MEIS1: variants seen among roughly 807,000 people sequenced by gnomAD.
MEIS1 encodes the protein homeobox protein Meis1.
In MEIS1, 5 loss-of-function variants were observed where a neutral mutation model predicts 50.8. That is an observed-to-expected ratio of 0.10 (90% CI 0.05 to 0.21). The LOEUF is 0.21. MEIS1 is among the 10% of genes least tolerant of loss of function. The pLI, the probability that MEIS1 is intolerant of heterozygous loss-of-function variation, is 1.00. For missense variants in MEIS1, 318 were observed against 517.3 expected (o/e 0.61, Z 3.74); for synonymous variants, 176 against 179.3 (o/e 0.98, Z 0.15).
intron 7 of MEIS1, among the ~76,000 whole-genome samples, chr2:66,482,837 T>A (rs17503045): frequency 0.021 from 3,157 of 152,306 alleles, 40 homozygotes; most frequent in Middle Eastern, 0.075. Flanking sequence ...ATATTCCTGA[T>A]GCCATCTAGT....
At chr2:66,435,949 C>CTT (rs1297091451) in intron 1 of MEIS1, 81 bp downstream of exon 1, 30 of 1,282,526 alleles carry the variant, frequency 2.3e-5, no homozygotes, top group Admixed American at 9.4e-5. Flanking sequence ...AAAAAGTTTC[C>CTT]TTTTTTTCTC....
intron 9 of MEIS1, among the ~76,000 whole-genome samples, chr2:66,560,031 A>G (rs572849440): frequency 1.3e-5 from 2 of 151,370 alleles, no homozygotes; most frequent in South Asian, 4.2e-4. Flanking sequence ...TCCAGGCTCA[A>G]ATGATCCTCC....
intron 1 of MEIS1, among the ~76,000 whole-genome samples, chr2:66,436,210 A>T (rs1671793326): frequency 6.6e-6 from 1 of 152,236 alleles, no homozygotes; most frequent in Non-Finnish European, 1.5e-5. Flanking sequence ...AGTTATGTTT[A>T]AACTAAAATA....
In MEIS1 at chr2:66,533,213, G is replaced by A. The variant is rs972284559; in HGVS notation, c.889-14730G>A. Among the ~76,000 whole-genome samples the A allele has an allele frequency of 1.0e-3, 153 of 152,102 alleles. 1 individual carries two copies. Among genetic ancestry groups the A allele is most frequent in the Non-Finnish European group, 1.2e-3 (79 of 68,024 alleles). On this transcript the variant is annotated intron_variant, in intron 8 of 12. Transcript: ENST00000272369. The stretch of plus-strand genomic sequence containing the variant: ...TCGTCCCCTGCCAAGAAAGGTGGGC[G>A]AATTGCCACTTCTGACTTCCAACCA...
intron 8 of MEIS1, among the ~76,000 whole-genome samples, chr2:66,543,334 A>C (rs1304847717): frequency 1.3e-5 from 2 of 152,210 alleles, no homozygotes; most frequent in East Asian, 3.8e-4. Flanking sequence ...CCAGAAATAC[A>C]TGAAGAGTGG....
At chr2:66,486,524 G>A (rs1673146805) in intron 7 of MEIS1, among the ~76,000 whole-genome samples, 1 of 152,164 alleles carries the variant, frequency 6.6e-6, no homozygotes, top group Non-Finnish European at 1.5e-5. Flanking sequence ...TTTGAAGTCA[G>A]GTAGTGTGAT....
chr2:66,557,678 A>G (rs547393746), intron 9 of MEIS1, among the ~76,000 whole-genome samples: 1 of 152,208 alleles, frequency 6.6e-6, no homozygotes, highest in Admixed American at 6.5e-5. Flanking sequence ...TTTTTTACCT[A>G]TTTATCAGTG....
At chr2:66,566,606 C>T (rs1459780718) in intron 9 of MEIS1, among the ~76,000 whole-genome samples, 1 of 150,588 alleles carries the variant, frequency 6.6e-6, no homozygotes, top group Non-Finnish European at 1.5e-5. Context: ...TATATTAATA[C>T]TTTTTTACAT....
intron 7 of MEIS1, among the ~76,000 whole-genome samples, chr2:66,499,855 C>T (rs961969765): frequency 6.6e-6 from 1 of 152,148 alleles, no homozygotes; most frequent in African/African-American, 2.4e-5. Flanking sequence ...ACATAACTCT[C>T]TCATATCTGA....
chr2:66,553,118 T>C (rs1346129296), intron 9 of MEIS1, among the ~76,000 whole-genome samples: 1 of 152,148 alleles, frequency 6.6e-6, no homozygotes, highest in Non-Finnish European at 1.5e-5. Context: ...AATTAAAGTG[T>C]GGGCTGTATG....
At chr2:66,444,119 G>A (rs187172552) in intron 6 of MEIS1, among the ~76,000 whole-genome samples, 15 of 152,258 alleles carry the variant, frequency 9.9e-5, no homozygotes, top group Non-Finnish European at 1.8e-4. Context: ...GTTCCGTTGC[G>A]AATTGTTGCA....
At chr2:66,484,698 A>G (rs917573913) in intron 7 of MEIS1, among the ~76,000 whole-genome samples, 4 of 152,060 alleles carry the variant, frequency 2.6e-5, no homozygotes, top group Admixed American at 6.5e-5. Flanking sequence ...AGCTGGGATT[A>G]TAGGAATGCA....
chr2:66,467,140 A>G (rs1450987114), intron 7 of MEIS1, among the ~76,000 whole-genome samples: 1 of 152,214 alleles, frequency 6.6e-6, no homozygotes, highest in Non-Finnish European at 1.5e-5. Flanking sequence ...GTTATGCAGG[A>G]GATTTTAAAT....
chr2:66,499,141 A>G (rs1004950746), intron 7 of MEIS1, among the ~76,000 whole-genome samples: 1 of 152,236 alleles, frequency 6.6e-6, no homozygotes, highest in African/African-American at 2.4e-5. Flanking sequence ...GATGCATGCT[A>G]GTAATTCTCA....
intron 9 of MEIS1, among the ~76,000 whole-genome samples, chr2:66,551,760 A>T (rs970868485): frequency 5.3e-5 from 8 of 151,982 alleles, no homozygotes; most frequent in African/African-American, 1.9e-4. Flanking sequence ...TTCGAAACAT[A>T]ATATGCACCA....
At chr2:66,555,728 A>C (rs1366924064) in intron 9 of MEIS1, among the ~76,000 whole-genome samples, 4 of 152,132 alleles carry the variant, frequency 2.6e-5, no homozygotes, top group African/African-American at 9.7e-5. Context: ...GTACCCAGAG[A>C]GACCCTCTCT....
intron 8 of MEIS1, among the ~76,000 whole-genome samples, chr2:66,535,369 C>T (rs1485143712): frequency 1.3e-5 from 2 of 152,180 alleles, no homozygotes; most frequent in Non-Finnish European, 2.9e-5. Context: ...GATCACCCTT[C>T]TCAAAGTCTT....
At chr2:66,481,772 T>A (rs924363959) in intron 7 of MEIS1, among the ~76,000 whole-genome samples, 1 of 152,024 alleles carries the variant, frequency 6.6e-6, no homozygotes, top group Non-Finnish European at 1.5e-5. Flanking sequence ...GCGCTGACAA[T>A]TTTGAGCCTC....
intron 6 of MEIS1, among the ~76,000 whole-genome samples, chr2:66,457,733 C>T (rs1345848189): frequency 6.6e-6 from 1 of 152,234 alleles, no homozygotes; most frequent in Non-Finnish European, 1.5e-5. Context: ...ATCCCATTCA[C>T]TGTGCTTCAT....
Sources: allele counts gnomAD v4.1 joint callset (sites outside exome capture counted in the v4.1 genomes callset), GRCh38; gene constraint gnomAD v4.1.1; transcripts MANE v1.5; gene names NCBI Gene and HGNC (gene_info 2026-07-23, HGNC 2026-07-21).